Variants in FAM13B observed in about 807,000 individuals in gnomAD.
The protein encoded by FAM13B is protein FAM13B.
A neutral mutation model predicts 117.3 loss-of-function variants in FAM13B; 60 were observed. The observed-to-expected ratio is 0.51, with a 90% CI of 0.42 to 0.63. The LOEUF is 0.63. Ranked by LOEUF, FAM13B falls within the 30% of genes least tolerant of loss-of-function variation. The pLI is 0.00. For missense variants in FAM13B, 972 were observed against 1,091.9 expected (o/e 0.89, Z 1.55); for synonymous variants, 332 against 356.1 (o/e 0.93, Z 0.76).
intron 10 of FAM13B, among the ~76,000 whole-genome samples, chr5:137,974,937 C>T (rs1021136454): frequency 1.3e-5 from 2 of 152,078 alleles, no homozygotes; most frequent in Middle Eastern, 3.2e-3. Context: ...GAAAATGACA[C>T]AAAATTCAAT....
At chr5:137,966,482 TATATATAGAGAGAG>T (rs1384288591) in intron 10 of FAM13B, among the ~76,000 whole-genome samples, 14 of 53,870 alleles carry the variant, frequency 2.6e-4, no homozygotes, top group East Asian at 6.0e-4. Flanking sequence ...TATATATATA[TATATATAGAGAGAG>T]AGAGAGAGAG....
intron 10 of FAM13B, among the ~76,000 whole-genome samples, chr5:137,980,835 A>AATGAAT (rs1775506424): frequency 6.6e-6 from 1 of 152,184 alleles, no homozygotes; most frequent in Non-Finnish European, 1.5e-5. Context: ...ACAAATGCTT[A>AATGAAT]ATGAATACCT....
chr5:138,031,632 C>T (rs1021667370), intron 1 of FAM13B, among the ~76,000 whole-genome samples: 13 of 151,800 alleles, frequency 8.6e-5, no homozygotes, highest in African/African-American at 3.1e-4. Flanking sequence ...TTGCAGTGAA[C>T]CGAGATCGCT....
chr5:137,986,614 C>G (rs1421029833), intron 9 of FAM13B, among the ~76,000 whole-genome samples: 1 of 152,186 alleles, frequency 6.6e-6, no homozygotes, highest in Non-Finnish European at 1.5e-5. Flanking sequence ...GTACTTTTAA[C>G]TAATACACAT....
intron 1 of FAM13B, among the ~76,000 whole-genome samples, chr5:138,031,816 G>C (rs1330059607): frequency 6.6e-6 from 1 of 152,120 alleles, no homozygotes; most frequent in Non-Finnish European, 1.5e-5. Context: ...AGCATTTCAA[G>C]GTTACCAAAA....
At chr5:138,026,599 A>T (rs535231868) in intron 1 of FAM13B, among the ~76,000 whole-genome samples, 5 of 140,660 alleles carry the variant, frequency 3.6e-5, no homozygotes, top group Non-Finnish European at 6.0e-5. Flanking sequence ...ACTGAACTCC[A>T]GCGTGGGCAC....
intron 1 of FAM13B, among the ~76,000 whole-genome samples, chr5:138,030,892 G>GT (rs1789769633): frequency 6.6e-6 from 1 of 151,952 alleles, no homozygotes. Context: ...AATTAGTCAG[G>GT]CGCAGTGGCA....
rs145957780 is a variant in FAM13B, at chr5:137,944,466, C to T, written c.2341-1250G>A. Reference sequence around the variant, plus strand: ...ATATACGCCATGAAATATTATACAGCCATAAAAAAGAACAAAATCGGCAGG... The same window carrying T: ...ATATACGCCATGAAATATTATACAGTCATAAAAAAGAACAAAATCGGCAGG... On this transcript the variant is annotated intron_variant, in intron 20 of 23. Coordinates refer to ENST00000689681, the MANE Select transcript of FAM13B (RefSeq NM_001385994.1). 2.6e-3 allele frequency among the ~76,000 whole-genome samples: 396 copies of T among 152,044 alleles called. 2 individuals carry two copies. The highest frequency in any genetic ancestry group is 4.4e-3 in the Non-Finnish European group (298 of 67,958).
chr5:137,952,597 C>T (rs1477439970), intron 17 of FAM13B, 31 bp downstream of exon 17: 9 of 1,431,992 alleles, frequency 6.3e-6, no homozygotes, highest in African/African-American at 1.4e-5. Context: ...TTTTAAAATG[C>T]AAATATATTA....
chr5:138,007,410 T>C lies in FAM13B; in HGVS notation c.691-263A>G, dbSNP rs75655337. Reference sequence around the variant, plus strand: ...ATATTAGTATATTGCAAAATTAGTATATCTAGGAATATAAGTAAGCCTGTA... The same window carrying C: ...ATATTAGTATATTGCAAAATTAGTACATCTAGGAATATAAGTAAGCCTGTA... On this transcript the variant is annotated intron_variant, in intron 6 of 23. Transcript: ENST00000689681. Among the ~76,000 whole-genome samples the C allele has an allele frequency of 7.4e-3, 1,132 of 152,318 alleles. 9 individuals are homozygous for C. The highest frequency in any genetic ancestry group is 0.027 in the East Asian group (139 of 5,192).
chr5:138,007,573 C>G (rs868341832), intron 6 of FAM13B, among the ~76,000 whole-genome samples: 4 of 151,890 alleles, frequency 2.6e-5, no homozygotes, highest in African/African-American at 9.7e-5. Context: ...AAAAAAGAAG[C>G]GCAAAAAAAA....
At chr5:138,030,132 A>G (rs1789510313) in intron 1 of FAM13B, among the ~76,000 whole-genome samples, 1 of 152,108 alleles carries the variant, frequency 6.6e-6, no homozygotes, top group Non-Finnish European at 1.5e-5. Flanking sequence ...CCTTCCTATC[A>G]TCAGTTCAAG....
chr5:137,960,748 C>T (rs574828685), intron 11 of FAM13B, among the ~76,000 whole-genome samples: 71 of 152,220 alleles, frequency 4.7e-4, no homozygotes, highest in African/African-American at 1.7e-3. Context: ...CAGTAACATA[C>T]TAAAAGGAAA....
At chr5:137,966,967 C>T (rs1359177075) in intron 10 of FAM13B, among the ~76,000 whole-genome samples, 2 of 152,128 alleles carry the variant, frequency 1.3e-5, no homozygotes, top group Admixed American at 6.5e-5. Flanking sequence ...TCACATCTTA[C>T]ACCATGATAA....
chr5:138,017,945 T>A (rs942990973), intron 4 of FAM13B, among the ~76,000 whole-genome samples: 7 of 152,226 alleles, frequency 4.6e-5, no homozygotes, highest in Admixed American at 1.3e-4. Flanking sequence ...ATATCACCAC[T>A]AAGCAACACC....
chr5:138,033,905 T>A (rs576357345), upstream of FAM13B: 2 of 152,310 alleles, frequency 1.3e-5, no homozygotes, highest in Admixed American at 1.3e-4. Context: ...AATTCAGTTG[T>A]CCCTTACCTA....
rs760525449 is a variant in FAM13B at position 137,959,729 on chromosome 5, T to G, written c.1328A>C (p.Asn443Thr). ...SSSKICDLNA[N>T]TESEVPGGQS... ...ACCTCCTGGTACTTCTGATTCAGTG[T>G]TGGCATTCAAATCACATATCTTGCT... is the stretch of plus-strand genomic sequence containing the variant. Residue 443 changes from asparagine to threonine, a missense_variant, in exon 13 of 24, where the codon AAC becomes ACC. Coordinates refer to ENST00000689681, the MANE Select transcript of FAM13B (RefSeq NM_001385994.1). 6.2e-7 allele frequency: 1 copy of G among 1,613,908 alleles called. No homozygotes were observed. The highest frequency in any genetic ancestry group is 8.5e-7 in the Non-Finnish European group (1 of 1,179,846).
intron 10 of FAM13B, among the ~76,000 whole-genome samples, chr5:137,964,587 A>G (rs1024884652): frequency 2.6e-5 from 4 of 151,312 alleles, no homozygotes; most frequent in African/African-American, 7.3e-5. Context: ...CGGGCGTGGT[A>G]GCACACACCT....
chr5:138,013,073 C>T (rs1784435144), intron 4 of FAM13B, among the ~76,000 whole-genome samples: 1 of 152,008 alleles, frequency 6.6e-6, no homozygotes, highest in East Asian at 1.9e-4. Flanking sequence ...TGTACTGGCA[C>T]ACACATGTGC....
Sources: allele counts gnomAD v4.1 joint callset (sites outside exome capture counted in the v4.1 genomes callset), GRCh38; gene constraint gnomAD v4.1.1; transcripts MANE v1.5; gene names NCBI Gene and HGNC (gene_info 2026-07-23, HGNC 2026-07-21).